Variants in MECOM observed in about 807,000 individuals in gnomAD.
The protein encoded by MECOM is MDS1 and EVI1 complex locus.
MECOM carries 13 observed loss-of-function variants against 116.3 expected under a neutral mutation model. The ratio of observed to expected loss-of-function variants is 0.11; its 90% CI spans 0.07 to 0.18. The LOEUF (loss-of-function observed/expected upper bound fraction) is 0.18. Ranked by LOEUF, MECOM falls within the 10% of genes least tolerant of loss-of-function variation. MECOM has a pLI of 1.00. For synonymous variants in MECOM, 528 were observed against 535.2 expected, an observed-to-expected ratio of 0.99 and a Z score of 0.19; for missense variants, 1,299 against 1,509.0, an observed-to-expected ratio of 0.86 and a Z score of 2.31.
At chr3:169,522,077 C>T (rs1461334650) in intron 1 of MECOM, among the ~76,000 whole-genome samples, 1 of 152,106 alleles carries the variant, frequency 6.6e-6, no homozygotes, top group African/African-American at 2.4e-5. Context: ...GGAATCAATC[C>T]TTCACAGATA....
At chr3:169,618,534 G>A (rs868698033) in intron 1 of MECOM, among the ~76,000 whole-genome samples, 4 of 152,068 alleles carry the variant, frequency 2.6e-5, no homozygotes, top group African/African-American at 7.2e-5. Context: ...GCGCGCGCCC[G>A]TAGTCCCAGC....
chr3:169,395,437 C>T lies in MECOM; in HGVS notation c.38-13913G>A, dbSNP rs9853268. 4.4e-3 allele frequency among the ~76,000 whole-genome samples: 662 copies of T among 152,124 alleles called. 4 individuals carry two copies. Among genetic ancestry groups the T allele is most frequent in the African/African-American group, 0.015 (624 of 41,512 alleles). On this transcript the variant is annotated intron_variant, in intron 1 of 16. Coordinates refer to ENST00000651503, the MANE Select transcript of MECOM (RefSeq NM_004991.4). ...TGTGTCCTTAGTCTGCTTAAAGGTA[C>T]GGTAAAAATGCCCCACTGAAGAAAG... is the stretch of plus-strand genomic sequence containing the variant.
chr3:169,100,759 A>G (rs1280137960), intron 12 of MECOM, 126 bp downstream of exon 12: 3 of 377,008 alleles, frequency 8.0e-6, no homozygotes, highest in Non-Finnish European at 8.1e-6. Context: ...TTGAATAGAC[A>G]TATATTCAGA....
At chr3:169,584,132 T>C (rs1765451988) in intron 1 of MECOM, among the ~76,000 whole-genome samples, 1 of 152,182 alleles carries the variant, frequency 6.6e-6, no homozygotes, top group Non-Finnish European at 1.5e-5. Flanking sequence ...CAAGTTTTGT[T>C]ATTGTTACTG....
intron 2 of MECOM, among the ~76,000 whole-genome samples, chr3:169,267,329 G>T (rs573159639): frequency 2.3e-4 from 35 of 152,124 alleles, no homozygotes; most frequent in African/African-American, 8.5e-4. Flanking sequence ...ATTGAGACCC[G>T]GTGTCTAATT....
At chr3:169,337,090 T>C (rs1396637213) in intron 2 of MECOM, among the ~76,000 whole-genome samples, 1 of 152,176 alleles carries the variant, frequency 6.6e-6, no homozygotes, top group Non-Finnish European at 1.5e-5. Flanking sequence ...ATGAATAAGA[T>C]TTATCATCTA....
intron 1 of MECOM, among the ~76,000 whole-genome samples, chr3:169,605,111 A>G (rs1768356752): frequency 2.0e-5 from 3 of 152,184 alleles, no homozygotes; most frequent in African/African-American, 7.2e-5. Flanking sequence ...GGTTTAGTCA[A>G]TTGCAGAAAT....
intron 2 of MECOM, among the ~76,000 whole-genome samples, chr3:169,251,626 C>T (rs907611662): frequency 6.6e-6 from 1 of 152,132 alleles, no homozygotes; most frequent in Non-Finnish European, 1.5e-5. Flanking sequence ...GGGAGAGGAG[C>T]CACATCATAT....
At chr3:169,542,713 C>T (rs900158883) in intron 1 of MECOM, among the ~76,000 whole-genome samples, 28 of 152,106 alleles carry the variant, frequency 1.8e-4, no homozygotes, top group Admixed American at 6.5e-5. Flanking sequence ...GCATTCAATC[C>T]GGTGGCAACT....
intron 2 of MECOM, among the ~76,000 whole-genome samples, chr3:169,351,250 T>C (rs1726267846): frequency 6.6e-6 from 1 of 151,906 alleles, no homozygotes; most frequent in African/African-American, 2.4e-5. Flanking sequence ...TGGCTAAAGA[T>C]CAAATCTTAA....
intron 2 of MECOM, among the ~76,000 whole-genome samples, chr3:169,263,535 C>A (rs1487324419): frequency 3.3e-5 from 5 of 151,830 alleles, no homozygotes; most frequent in Non-Finnish European, 7.4e-5. Flanking sequence ...CACACACACA[C>A]ACACACACAC....
chr3:169,640,602 G>A (rs573955067), intron 1 of MECOM, among the ~76,000 whole-genome samples: 2 of 152,284 alleles, frequency 1.3e-5, no homozygotes, highest in Admixed American at 1.3e-4. Context: ...TCATAGAACT[G>A]AAGAAAAGGA....
At chr3:169,396,048 A>G (rs1390964400) in intron 1 of MECOM, among the ~76,000 whole-genome samples, 1 of 152,186 alleles carries the variant, frequency 6.6e-6, no homozygotes, top group Non-Finnish European at 1.5e-5. Flanking sequence ...TTCCATATGA[A>G]GCTTATTTTA....
chr3:169,629,120 ATT>A (rs11284881), intron 1 of MECOM, among the ~76,000 whole-genome samples: 5,341 of 135,370 alleles, frequency 0.039, 134 homozygotes, highest in African/African-American at 0.076. Context: ...GCTGCTTGAA[ATT>A]TTTTTTTTTT....
chr3:169,107,918 A>C lies in MECOM; in HGVS notation c.2604+8T>G, dbSNP rs1341349087. 3.7e-6 allele frequency: 6 copies of C among 1,611,302 alleles called. No individual in the cohort carries two copies. The highest frequency in any genetic ancestry group is 5.1e-6 in the Non-Finnish European group (6 of 1,178,636). On this transcript the variant is annotated splice_region_variant and intron_variant, in intron 10 of 16. Transcript: ENST00000651503. ...CACTTTAGTCAAAAATATAAGTAGG[A>C]AACTTACCCAAGTTCTCTGATCAGG...
At chr3:169,591,735 T>C (rs1766434839) in intron 1 of MECOM, among the ~76,000 whole-genome samples, 1 of 152,186 alleles carries the variant, frequency 6.6e-6, no homozygotes, top group African/African-American at 2.4e-5. Context: ...AAGAGAAACC[T>C]GTTATAATAT....
intron 2 of MECOM, among the ~76,000 whole-genome samples, chr3:169,328,319 C>T (rs1163334542): frequency 6.6e-6 from 1 of 152,138 alleles, no homozygotes; most frequent in Non-Finnish European, 1.5e-5. Context: ...ATTGACTGCA[C>T]ATTTTGTCAA....
At chr3:169,662,063 C>A (rs1039191004) in intron 1 of MECOM, among the ~76,000 whole-genome samples, 1 of 152,226 alleles carries the variant, frequency 6.6e-6, no homozygotes, top group African/African-American at 2.4e-5. Context: ...GCAGTCCTGT[C>A]GTCTACAGTC....
At chr3:169,093,240 A>G in intron 13 of MECOM, 138 bp from the exon 14 acceptor site, 1 of 878,174 alleles carries the variant, frequency 1.1e-6, no homozygotes, top group East Asian at 2.8e-5. Flanking sequence ...TAACTTTAGA[A>G]AGTCAAAGTC....
Sources: gnomAD v4.1 joint callset for allele counts (sites outside exome capture counted in the v4.1 genomes callset) on GRCh38, gnomAD v4.1.1 for gene constraint, MANE v1.5 for transcripts, NCBI Gene and HGNC (gene_info 2026-07-23, HGNC 2026-07-21) for gene names.